TPCN2: variants seen among roughly 807,000 people sequenced by gnomAD.
The protein encoded by TPCN2 is two pore segment channel 2.
In TPCN2, 92 loss-of-function variants were observed where a neutral mutation model predicts 111.4. The observed-to-expected ratio is 0.83, with a 90% confidence interval of 0.70 to 0.98. The LOEUF is 0.98. Among genes scored for constraint, TPCN2 ranks in the 50% least tolerant of loss-of-function variants. The pLI is 0.00. For missense variants in TPCN2, 995 were observed against 980.1 expected (o/e 1.02, Z -0.20); for synonymous variants, 405 against 414.5 (o/e 0.98, Z 0.28).
intron 5 of TPCN2, among the ~76,000 whole-genome samples, chr11:69,061,184 A>G (rs1261404523): frequency 6.6e-6 from 1 of 152,196 alleles, no homozygotes; most frequent in Non-Finnish European, 1.5e-5. Context: ...GGTGGGTGCC[A>G]TGCCGGAGAG....
At chr11:69,079,167 C>G (rs1449064988) in intron 16 of TPCN2, 147 bp downstream of exon 16, 1 of 1,090,472 alleles carries the variant, frequency 9.2e-7, no homozygotes, top group African/African-American at 1.6e-5. Flanking sequence ...GGCTGGCTTC[C>G]CTGCTGGCCG....
chr11:69,059,447 C>T (rs1017819649), intron 5 of TPCN2, among the ~76,000 whole-genome samples: 4 of 152,350 alleles, frequency 2.6e-5, no homozygotes, highest in African/African-American at 9.6e-5. Context: ...TGTGCCTCTT[C>T]ACCATGTTCA....
At position 69,070,486 on chromosome 11, in the gene TPCN2, A is replaced by T; in HGVS notation, c.886A>T (p.Thr296Ser). ...RAYAIFFIVF[T>S]VIGSLFLMNL... Reference sequence around the variant, plus strand: ...CTATGCCATCTTCTTCATAGTCTTCACTGTGATAGGTGAGTGCAGGTAACG... The same window carrying T: ...CTATGCCATCTTCTTCATAGTCTTCTCTGTGATAGGTGAGTGCAGGTAACG... Residue 296 changes from threonine (T) to serine (S), a missense_variant, in exon 9 of 25, where the codon ACT becomes TCT. Transcript: ENST00000294309. 2 of 1,608,698 alleles carry T rather than the reference A, an allele frequency of 1.2e-6. No individual in the cohort carries two copies. The highest frequency in any genetic ancestry group is 1.7e-6 in the Non-Finnish European group (2 of 1,177,680).
At chr11:69,049,458 C>A (rs1861115814) in intron 1 of TPCN2, among the ~76,000 whole-genome samples, 1 of 152,256 alleles carries the variant, frequency 6.6e-6, no homozygotes, top group Non-Finnish European at 1.5e-5. Context: ...CCCCATACTT[C>A]CCGACTGTCG....
rs117003237 is a variant in TPCN2, at chr11:69,084,125, C to G, written c.1761+109C>G. The G allele has an allele frequency of 6.1e-4, 728 of 1,199,244 alleles. 10 individuals carry two copies. In the East Asian group the frequency reaches 0.016, roughly 26 times the overall value. The allele number at this position is 1,199,244 out of a possible 1,614,324, so 74.3% of individuals were successfully genotyped here. On this transcript the variant is annotated intron_variant, in intron 19 of 24. Transcript: ENST00000294309. The stretch of plus-strand genomic sequence containing the variant: ...TCACTGCTCTGTCGGTAGGAAGGTT[C>G]TTGGGTTCGGACGGCAGCAGGTTCC...
intron 5 of TPCN2, among the ~76,000 whole-genome samples, chr11:69,061,264 A>G (rs1310531506): frequency 1.3e-5 from 2 of 152,120 alleles, no homozygotes; most frequent in Admixed American, 6.5e-5. Context: ...CTGGGCAGAC[A>G]CTGGCAGCTT....
intron 1 of TPCN2, among the ~76,000 whole-genome samples, chr11:69,052,314 C>T (rs544965073): frequency 1.4e-4 from 21 of 152,152 alleles, no homozygotes; most frequent in African/African-American, 4.8e-4. Flanking sequence ...ACCGGCCCCC[C>T]AGGCTCCCCT....
intron 4 of TPCN2, among the ~76,000 whole-genome samples, chr11:69,056,166 G>A (rs1854755256): frequency 6.6e-6 from 1 of 152,246 alleles, no homozygotes; most frequent in African/African-American, 2.4e-5. Context: ...ATCAGGCCCT[G>A]GCTGCAGCCC....
rs150613194 is a variant in TPCN2, at chr11:69,085,176, G to A, written c.1762-34G>A. The A allele has an allele frequency of 1.9e-3, 2,999 of 1,602,414 alleles. 58 individuals are homozygous for A. In the African/African-American group the frequency reaches 0.034, roughly 18 times the overall value. On this transcript the variant is annotated intron_variant, in intron 19 of 24. Transcript: ENST00000294309. Reference sequence around the variant, plus strand: ...GGTGGTGGTGGGTGCACCCATGGGTGGGGCTGATCAGTCCCCGGCTCCTGG... The same window carrying A: ...GGTGGTGGTGGGTGCACCCATGGGTAGGGCTGATCAGTCCCCGGCTCCTGG...
intron 22 of TPCN2, 94 bp downstream of exon 22, chr11:69,086,024 G>T (rs577369901): frequency 1.5e-6 from 2 of 1,303,580 alleles, no homozygotes; most frequent in Non-Finnish European, 2.2e-6. Flanking sequence ...GACGCCCGGA[G>T]CGTGGCTGGG....
At chr11:69,060,893 G>A (rs1240226841) in intron 5 of TPCN2, among the ~76,000 whole-genome samples, 2 of 152,328 alleles carry the variant, frequency 1.3e-5, no homozygotes, top group African/African-American at 2.4e-5. Flanking sequence ...ACAGGGCAGG[G>A]GCCAGAGCCC....
chr11:69,086,967 C>T (rs887182021), intron 23 of TPCN2, 145 bp from the exon 24 acceptor site: 33 of 667,708 alleles, frequency 4.9e-5, no homozygotes, highest in Admixed American at 2.5e-4. Flanking sequence ...CCAGCAGCCT[C>T]GTGGGGCCTG....
In TPCN2 at chr11:69,081,385, CG is replaced by C; in HGVS notation, c.1590-14del. The C allele has an allele frequency of 6.5e-7, 1 of 1,530,832 alleles. No homozygotes were observed. Among genetic ancestry groups the C allele is most frequent in the Admixed American group, 2.0e-5 (1 of 51,134 alleles). 94.8% of individuals were successfully genotyped at this position (1,530,832 alleles called of 1,614,324 possible). ...CCTGGGCTCCTCCCAACCCGCCTCCCGTGTCTCTCCCCAGGAGGCCGGAGAT... is the reference window on the plus strand; with the variant it reads ...CCTGGGCTCCTCCCAACCCGCCTCCCTGTCTCTCCCCAGGAGGCCGGAGAT... On this transcript the variant is annotated splice_polypyrimidine_tract_variant and intron_variant, in intron 17 of 24. Coordinates refer to ENST00000294309, the MANE Select transcript of TPCN2 (RefSeq NM_139075.4).
chr11:69,085,700 G>A lies in TPCN2; in HGVS notation c.1868G>A (p.Cys623Tyr). Residue 623 changes from cysteine to tyrosine, a missense_variant, in exon 21 of 25, where the codon TGT becomes TAT. Physicochemically the swap from Cys to Tyr is radical, Grantham distance 194. Transcript: ENST00000294309. ...GCCCCTGCCAATGGCTCGGCGCCCT[G>A]TGGGAGCTTCGAGCAGCTGGAGTAC... ...SLAPANGSAP[C>Y]GSFEQLEYWA... 6.2e-7 allele frequency: 1 copy of A among 1,613,974 alleles called. No individual in the cohort carries two copies. The highest frequency in any genetic ancestry group is 8.5e-7 in the Non-Finnish European group (1 of 1,179,942).
intron 5 of TPCN2, 66 bp from the exon 6 acceptor site, chr11:69,062,818 G>C: frequency 6.8e-7 from 1 of 1,481,388 alleles, no homozygotes; most frequent in Non-Finnish European, 9.4e-7. Flanking sequence ...GTGCCCATCT[G>C]GGATGGTCGG....
Position 69,067,526 on chromosome 11 carries a change from G to T in TPCN2, c.750G>T (p.Glu250Asp), listed in dbSNP as rs1256454700. Reference sequence around the variant, plus strand: ...AGCAGGATGATGGGCAGGACAGGGAGAGGCTGACCTACTTCCAGAACCTGC... The same window carrying T: ...AGCAGGATGATGGGCAGGACAGGGATAGGCTGACCTACTTCCAGAACCTGC... ...GGKQDDGQDR[E>D]RLTYFQNLPE... The change falls in exon 8 of 25, where the codon GAG (glutamate) becomes GAT (aspartate). Residue 250 changes from glutamate (E) to aspartate (D), a missense_variant. Transcript: ENST00000294309. 1.2e-6 allele frequency: 2 copies of T among 1,613,900 alleles called. No homozygotes were observed. The highest frequency in any genetic ancestry group is 1.7e-5 in the Admixed American group (1 of 60,034).
intron 13 of TPCN2, among the ~76,000 whole-genome samples, chr11:69,076,958 C>G (rs1439987675): frequency 8.8e-5 from 7 of 79,518 alleles, no homozygotes; most frequent in East Asian, 5.8e-4. Context: ...TGCTGTGTCC[C>G]TCCACCTGCC....
intron 18 of TPCN2, among the ~76,000 whole-genome samples, chr11:69,082,649 G>A (rs112687098): frequency 4.2e-5 from 6 of 141,726 alleles, no homozygotes; most frequent in African/African-American, 8.1e-5. Flanking sequence ...TGCACACATC[G>A]CGTGCAGATA....
rs1856284211 is a variant in TPCN2, at chr11:69,086,531, A to G, written c.2012A>G (p.Lys671Arg). ...AYRRYSGPWS[K>R]IYFVLWWLVS... ...GTCTCTGTCCTCCGCAGGTGGTCCAAGATCTATTTTGTATTGTGGTGGCTG... is the reference window on the plus strand; with the variant it reads ...GTCTCTGTCCTCCGCAGGTGGTCCAGGATCTATTTTGTATTGTGGTGGCTG... Residue 671 changes from lysine to arginine, a missense_variant, in exon 23 of 25, where the codon AAG becomes AGG. Coordinates refer to ENST00000294309, the MANE Select transcript of TPCN2 (RefSeq NM_139075.4). 1 of 1,613,978 alleles carries G rather than the reference A, an allele frequency of 6.2e-7. No homozygotes were observed. The highest frequency in any genetic ancestry group is 2.2e-5 in the East Asian group (1 of 44,874).
Sources: gnomAD v4.1 joint callset for allele counts (sites outside exome capture counted in the v4.1 genomes callset) on GRCh38, gnomAD v4.1.1 for gene constraint, MANE v1.5 for transcripts, NCBI Gene and HGNC (gene_info 2026-07-23, HGNC 2026-07-21) for gene names.